NELL1: variants seen among roughly 807,000 people sequenced by gnomAD.
NELL1 encodes neural EGFL like 1, also known as protein kinase C-binding protein NELL1.
Under a neutral mutation model 107.4 loss-of-function variants are expected in NELL1, and 76 were observed. The ratio of observed to expected loss-of-function variants is 0.71; its 90% CI spans 0.59 to 0.86. NELL1 has a LOEUF of 0.86. NELL1 is among the 40% of genes least tolerant of loss of function. The pLI, the probability that NELL1 is intolerant of heterozygous loss-of-function variation, is 0.00. For missense variants in NELL1, 1,024 were observed against 1,005.5 expected (o/e 1.02, Z -0.25); for synonymous variants, 353 against 341.2 (o/e 1.03, Z -0.38).
At chr11:21,323,959 A>T in intron 14 of NELL1, among the ~76,000 whole-genome samples, 1 of 152,042 alleles carries the variant, frequency 6.6e-6, no homozygotes, top group East Asian at 1.9e-4. Flanking sequence ...CCTTTCTTTC[A>T]TTCTCAAGCA....
At chr11:21,245,045 T>G (rs932704929) in intron 14 of NELL1, among the ~76,000 whole-genome samples, 2 of 152,172 alleles carry the variant, frequency 1.3e-5, no homozygotes, top group African/African-American at 4.8e-5. Flanking sequence ...ATGCTTAAGA[T>G]CCTGCCATGC....
chr11:21,049,302 A>T (rs1853434060), intron 12 of NELL1, among the ~76,000 whole-genome samples: 1 of 152,202 alleles, frequency 6.6e-6, no homozygotes, highest in African/African-American at 2.4e-5. Flanking sequence ...TCAGGCCTTT[A>T]TAAGGGAGCT....
intron 12 of NELL1, among the ~76,000 whole-genome samples, chr11:20,971,577 G>A (rs903958752): frequency 6.6e-6 from 1 of 152,128 alleles, no homozygotes; most frequent in African/African-American, 2.4e-5. Context: ...GTTACTGCCT[G>A]CCGTGACTCA....
intron 15 of NELL1, among the ~76,000 whole-genome samples, chr11:21,518,340 A>G (rs1855626644): frequency 1.3e-5 from 2 of 152,106 alleles, no homozygotes; most frequent in South Asian, 4.1e-4. Flanking sequence ...TAAAGGATTG[A>G]CTTACTTAAA....
chr11:21,531,270 C>G (rs1312111141), intron 15 of NELL1, among the ~76,000 whole-genome samples: 1 of 152,098 alleles, frequency 6.6e-6, no homozygotes, highest in African/African-American at 2.4e-5. Context: ...GAACACAACA[C>G]AAAAATAATC....
intron 12 of NELL1, among the ~76,000 whole-genome samples, chr11:21,100,296 G>A (rs576495702): frequency 6.6e-6 from 1 of 152,284 alleles, no homozygotes; most frequent in Admixed American, 6.5e-5. Flanking sequence ...AGGATTACAG[G>A]CATCATCCAC....
chr11:20,679,910 T>C (rs909915724), intron 2 of NELL1, among the ~76,000 whole-genome samples: 11 of 152,192 alleles, frequency 7.2e-5, no homozygotes, highest in Non-Finnish European at 1.0e-4. Flanking sequence ...CTTTAGTTAC[T>C]ACTATTCATT....
intron 13 of NELL1, among the ~76,000 whole-genome samples, chr11:21,138,242 G>T (rs1383245720): frequency 6.6e-6 from 1 of 152,050 alleles, no homozygotes; most frequent in Non-Finnish European, 1.5e-5. Flanking sequence ...GCATTGCGGG[G>T]ATTACTAAGT....
Position 20,921,511 on chromosome 11 carries a change from C to T in NELL1, c.759+2177C>T, listed in dbSNP as rs61124934. Among the ~76,000 whole-genome samples the T allele has an allele frequency of 6.3e-3, 961 of 152,052 alleles. 8 individuals are homozygous for T. Among genetic ancestry groups the T allele is most frequent in the African/African-American group, 0.022 (907 of 41,484 alleles). On this transcript the variant is annotated intron_variant, in intron 7 of 19. Coordinates refer to ENST00000357134, the MANE Select transcript of NELL1 (RefSeq NM_006157.5). ...AAGTTGAATCATGGCTGAGAAAGTT[C>T]ATGGTTTGACAAGAAAGGGTTAAGA... is the stretch of plus-strand genomic sequence containing the variant.
chr11:21,369,191 C>T (rs900920290), intron 14 of NELL1, among the ~76,000 whole-genome samples: 1 of 152,038 alleles, frequency 6.6e-6, no homozygotes, highest in African/African-American at 2.4e-5. Flanking sequence ...CTTTTTCTTA[C>T]TGGCTTTCCA....
intron 4 of NELL1, among the ~76,000 whole-genome samples, chr11:20,862,359 T>C (rs1339363410): frequency 1.3e-5 from 2 of 152,126 alleles, no homozygotes; most frequent in Non-Finnish European, 2.9e-5. Flanking sequence ...AGAGTTTCCA[T>C]ATACCCCGTC....
intron 15 of NELL1, among the ~76,000 whole-genome samples, chr11:21,420,046 G>A (rs891644872): frequency 9.2e-5 from 14 of 152,102 alleles, no homozygotes; most frequent in South Asian, 6.2e-4. Context: ...TTAGAGGTGC[G>A]TGTGGGTGTG....
At chr11:20,844,042 G>A (rs1414155414) in intron 3 of NELL1, among the ~76,000 whole-genome samples, 1 of 152,236 alleles carries the variant, frequency 6.6e-6, no homozygotes, top group East Asian at 1.9e-4. Context: ...TGGGGTGTTA[G>A]TTGATGGGAA....
chr11:20,850,785 C>CTGGAGAAGGGATATACATTTAT (rs1848781579), intron 4 of NELL1, among the ~76,000 whole-genome samples: 1 of 152,108 alleles, frequency 6.6e-6, no homozygotes, highest in Non-Finnish European at 1.5e-5. Flanking sequence ...TACTTTGGTG[C>CTGGAGAAGGGATATACATTTAT]TGGAGAAGGG....
chr11:20,940,997 G>A (rs908658457), intron 10 of NELL1, among the ~76,000 whole-genome samples: 9 of 152,002 alleles, frequency 5.9e-5, no homozygotes, highest in Non-Finnish European at 1.2e-4. Context: ...AAATTAGCTG[G>A]GCATGATGGT....
intron 2 of NELL1, among the ~76,000 whole-genome samples, chr11:20,738,575 T>C (rs1420895086): frequency 6.6e-6 from 1 of 152,222 alleles, no homozygotes; most frequent in Non-Finnish European, 1.5e-5. Context: ...TTTCTTTCTT[T>C]TCTTCATTCT....
chr11:21,498,320 A>T (rs1249940085), intron 15 of NELL1, among the ~76,000 whole-genome samples: 2 of 139,968 alleles, frequency 1.4e-5, no homozygotes, highest in Admixed American at 1.5e-4. Flanking sequence ...TTTGCTACAC[A>T]TCCATAAACA....
At chr11:20,683,754 C>T (rs1429678421) in intron 2 of NELL1, among the ~76,000 whole-genome samples, 2 of 152,020 alleles carry the variant, frequency 1.3e-5, no homozygotes, top group Non-Finnish European at 2.9e-5. Context: ...GTATAAAATT[C>T]TGTGCCGACA....
At chr11:21,433,229 T>C (rs552039960) in intron 15 of NELL1, among the ~76,000 whole-genome samples, 18 of 152,186 alleles carry the variant, frequency 1.2e-4, no homozygotes, top group Non-Finnish European at 2.2e-4. Flanking sequence ...TATGGCTAAA[T>C]AGTATTCCAT....
Sources: allele counts gnomAD v4.1 joint callset (sites outside exome capture counted in the v4.1 genomes callset), GRCh38; gene constraint gnomAD v4.1.1; transcripts MANE v1.5; gene names NCBI Gene and HGNC (gene_info 2026-07-23, HGNC 2026-07-21).